Variants in MAP2 observed in about 807,000 individuals in gnomAD.
The protein encoded by MAP2 is microtubule-associated protein 2.
A neutral mutation model predicts 137.6 loss-of-function variants in MAP2; 14 were observed. The ratio of observed to expected loss-of-function variants is 0.10; its 90% CI spans 0.07 to 0.16. MAP2 has a LOEUF of 0.16. Ranked by LOEUF, MAP2 falls within the 10% of genes least tolerant of loss-of-function variation. MAP2 has a pLI of 1.00. For synonymous variants in MAP2, 786 were observed against 782.3 expected, an observed-to-expected ratio of 1.00 and a Z score of -0.08; for missense variants, 2,088 against 2,191.5, an observed-to-expected ratio of 0.95 and a Z score of 0.94.
At chr2:209,713,064 T>G (rs1298577021) in intron 13 of MAP2, among the ~76,000 whole-genome samples, 4 of 152,176 alleles carry the variant, frequency 2.6e-5, no homozygotes, top group African/African-American at 9.7e-5. Context: ...CATGTAATTC[T>G]TATTAAAGAA....
intron 1 of MAP2, among the ~76,000 whole-genome samples, chr2:209,442,080 T>C (rs1697927956): frequency 6.6e-6 from 1 of 151,578 alleles, no homozygotes; most frequent in Non-Finnish European, 1.5e-5. Context: ...ACAAATAAAT[T>C]AGTTTTTATT....
chr2:209,532,495 A>C (rs1450188701), intron 2 of MAP2, among the ~76,000 whole-genome samples: 3 of 152,168 alleles, frequency 2.0e-5, no homozygotes, highest in Non-Finnish European at 2.9e-5. Context: ...GATTGAGTCA[A>C]GTTAAACAAT....
At position 209,709,822 on chromosome 2, in the gene MAP2, G is replaced by A. The variant is rs1023437602; in HGVS notation, c.4733-92G>A. 19 of 865,592 alleles carry A rather than the reference G, an allele frequency of 2.2e-5. 1 individual carries two copies. The highest frequency in any genetic ancestry group is 1.3e-4 in the Admixed American group (5 of 39,470). 53.6% of individuals were successfully genotyped at this position (865,592 alleles called of 1,614,324 possible). A position where few individuals can be genotyped will look rare whatever the true frequency, so the allele number is the denominator to read the frequency against. ...TTTCTAAATACCTTAGAAATTAAAC[G>A]TATTATGACTTCTAACAATCTATGG... On this transcript the variant is annotated intron_variant, in intron 12 of 15. Coordinates refer to ENST00000682079, the MANE Select transcript of MAP2 (RefSeq NM_001375505.1).
At chr2:209,614,276 C>T (rs972451947) in intron 3 of MAP2, among the ~76,000 whole-genome samples, 9 of 152,138 alleles carry the variant, frequency 5.9e-5, no homozygotes, top group Admixed American at 5.9e-4. Flanking sequence ...TGGGGAATTG[C>T]ATGGCCACTG....
rs766673783 is a variant in MAP2 at position 209,693,452 on chromosome 2, C to T, written c.1282C>T (p.Pro428Ser). 1.2e-6 allele frequency: 2 copies of T among 1,613,932 alleles called. No homozygotes were observed. The highest frequency in any genetic ancestry group is 1.7e-6 in the Non-Finnish European group (2 of 1,179,978). Residue 428 changes from proline to serine, a missense_variant, in exon 8 of 16, where the codon CCC becomes TCC. Pro to Ser is a moderately conservative substitution (Grantham distance 74). Coordinates refer to ENST00000682079, the MANE Select transcript of MAP2 (RefSeq NM_001375505.1). ...ETVQQRDTFTPSGQEPILTEK... is the reference protein window; with the variant it reads ...ETVQQRDTFTSSGQEPILTEK... ...TGTGCAGCAAAGGGATACTTTCACC[C>T]CCAGTGGACAGGAACCTATACTTAC...
chr2:209,449,227 A>G lies in MAP2; in HGVS notation c.-222+24951A>G, dbSNP rs1458561122. Reference sequence around the variant, plus strand: ...TATCACCTAGCACACTGGCTGGACCATAGTAGGTGCTTAGCACTTTTTTTA... The same window carrying G: ...TATCACCTAGCACACTGGCTGGACCGTAGTAGGTGCTTAGCACTTTTTTTA... On this transcript the variant is annotated intron_variant, in intron 1 of 15. Coordinates refer to ENST00000682079, the MANE Select transcript of MAP2 (RefSeq NM_001375505.1). Among the ~76,000 whole-genome samples, 5 of 152,218 alleles carry G rather than the reference A, an allele frequency of 3.3e-5. No individual in the cohort carries two copies. In the South Asian group the frequency reaches 6.2e-4, roughly 19 times the overall value.
At chr2:209,555,586 T>A (rs2070377991) in intron 2 of MAP2, among the ~76,000 whole-genome samples, 1 of 152,222 alleles carries the variant, frequency 6.6e-6, no homozygotes, top group Admixed American at 6.5e-5. Flanking sequence ...TATCTATACA[T>A]TTTCAATATG....
At position 209,687,805 on chromosome 2, in the gene MAP2, G is replaced by T. The variant is rs558820260; in HGVS notation, c.455-4820G>T. On this transcript the variant is annotated intron_variant, in intron 7 of 15. Transcript: ENST00000682079. ...CAGCGGGGAGAGGCGTGGACTCCTAGCCCCCTCCATCTCAGTGTCTGTGCC... is the reference window on the plus strand; with the variant it reads ...CAGCGGGGAGAGGCGTGGACTCCTATCCCCCTCCATCTCAGTGTCTGTGCC... 2.0e-5 allele frequency among the ~76,000 whole-genome samples: 3 copies of T among 152,222 alleles called. No individual in the cohort carries two copies. In the East Asian group the frequency reaches 5.8e-4, roughly 29 times the overall value.
intron 2 of MAP2, among the ~76,000 whole-genome samples, chr2:209,562,455 G>A (rs2072356680): frequency 6.6e-6 from 1 of 151,366 alleles, no homozygotes; most frequent in Admixed American, 6.6e-5. Flanking sequence ...CCAGATATTT[G>A]GGAGGCCGAG....
intron 1 of MAP2, among the ~76,000 whole-genome samples, chr2:209,469,139 T>G (rs75522704): frequency 6.6e-6 from 1 of 152,222 alleles, no homozygotes; most frequent in African/African-American, 2.4e-5. Flanking sequence ...CTGAGCTTAT[T>G]TGGGCCTTAT....
chr2:209,575,269 C>T (rs2075128193), intron 2 of MAP2, among the ~76,000 whole-genome samples: 1 of 151,884 alleles, frequency 6.6e-6, no homozygotes, highest in African/African-American at 2.4e-5. Flanking sequence ...TGCATGTAAT[C>T]CCAGCACTTT....
chr2:209,531,811 A>C (rs970139128), intron 2 of MAP2, among the ~76,000 whole-genome samples: 1 of 152,194 alleles, frequency 6.6e-6, no homozygotes, highest in African/African-American at 2.4e-5. Flanking sequence ...CATTGACCAA[A>C]TTAGGGTGCT....
At chr2:209,467,977 C>T (rs1168453946) in intron 1 of MAP2, among the ~76,000 whole-genome samples, 1 of 152,158 alleles carries the variant, frequency 6.6e-6, no homozygotes. Flanking sequence ...GAATTGGCTG[C>T]AGCAACTGGT....
chr2:209,589,248 T>A (rs2078606735), intron 3 of MAP2, among the ~76,000 whole-genome samples: 1 of 152,180 alleles, frequency 6.6e-6, no homozygotes, highest in African/African-American at 2.4e-5. Context: ...CTCACAACGG[T>A]CTTTGGAATG....
chr2:209,704,345 T>A, intron 11 of MAP2: 2 of 914,200 alleles, frequency 2.2e-6, no homozygotes, highest in Admixed American at 3.0e-5. Flanking sequence ...GTGTTCTTAT[T>A]AAAAAGACTT....
chr2:209,567,002 T>G (rs2073571048), intron 2 of MAP2, among the ~76,000 whole-genome samples: 1 of 152,210 alleles, frequency 6.6e-6, no homozygotes, highest in South Asian at 2.1e-4. Context: ...ATATGTCATC[T>G]ATATGCGTAT....
intron 1 of MAP2, among the ~76,000 whole-genome samples, chr2:209,490,016 A>G (rs1295281707): frequency 6.6e-6 from 1 of 152,212 alleles, no homozygotes; most frequent in African/African-American, 2.4e-5. Context: ...AAAAATGTTA[A>G]GGGCAGCCAG....
intron 1 of MAP2, among the ~76,000 whole-genome samples, chr2:209,434,042 G>A (rs1370472333): frequency 6.6e-6 from 1 of 152,014 alleles, no homozygotes; most frequent in Non-Finnish European, 1.5e-5. Flanking sequence ...AGAGACAATG[G>A]TCTAAATCTC....
At chr2:209,627,659 A>G (rs1321589757) in intron 4 of MAP2, among the ~76,000 whole-genome samples, 1 of 152,104 alleles carries the variant, frequency 6.6e-6, no homozygotes, top group Non-Finnish European at 1.5e-5. Flanking sequence ...ATATATAGAA[A>G]TTTTATTCAT....
Sources: allele counts gnomAD v4.1 joint callset (sites outside exome capture counted in the v4.1 genomes callset), GRCh38; gene constraint gnomAD v4.1.1; transcripts MANE v1.5; gene names NCBI Gene and HGNC (gene_info 2026-07-23, HGNC 2026-07-21).